PLXNA2: variants seen among roughly 807,000 people sequenced by gnomAD.
The protein encoded by PLXNA2 is plexin-A2.
In PLXNA2, 91 loss-of-function variants were observed where a neutral mutation model predicts 193.5. The ratio of observed to expected loss-of-function variants is 0.47; its 90% CI spans 0.40 to 0.56. PLXNA2 has a LOEUF of 0.56. Ranked by LOEUF, PLXNA2 falls within the 20% of genes least tolerant of loss-of-function variation. The pLI is 0.00. For synonymous variants in PLXNA2, 997 were observed against 1,027.3 expected (o/e 0.97, Z 0.56); for missense variants, 1,995 against 2,503.2 (o/e 0.80, Z 4.33).
At chr1:208,133,090 G>T (rs1375130943) in intron 4 of PLXNA2, among the ~76,000 whole-genome samples, 1 of 152,160 alleles carries the variant, frequency 6.6e-6, no homozygotes, top group East Asian at 1.9e-4. Flanking sequence ...GTAAAATAAA[G>T]GGCTGCTCTT....
At chr1:208,226,347 G>T (rs998818250) in intron 1 of PLXNA2, among the ~76,000 whole-genome samples, 13 of 149,086 alleles carry the variant, frequency 8.7e-5, no homozygotes, top group Non-Finnish European at 1.5e-5. Context: ...GATTTCTGTT[G>T]TTTTTTTTTT....
chr1:208,042,070 C>T, intron 22 of PLXNA2, 28 bp downstream of exon 22: 1 of 1,606,966 alleles, frequency 6.2e-7, no homozygotes, highest in Non-Finnish European at 8.5e-7. Context: ...CTCCTGCCAC[C>T]CTCTCCACCC....
chr1:208,154,294 G>A (rs940311419), intron 3 of PLXNA2, among the ~76,000 whole-genome samples: 2 of 152,230 alleles, frequency 1.3e-5, no homozygotes, highest in African/African-American at 4.8e-5. Context: ...GAGAAGCAGG[G>A]CTTGGCCCTG....
rs1665583404 is a variant in PLXNA2 at position 208,060,552 on chromosome 1, T to C, written c.2738+134A>G. 3 of 867,548 alleles carry C rather than the reference T, an allele frequency of 3.5e-6. No individual in the cohort carries two copies. In the East Asian group the frequency reaches 8.6e-5, roughly 25 times the overall value. 53.7% of individuals were successfully genotyped at this position (867,548 alleles called of 1,614,324 possible). A position where few individuals can be genotyped will look rare whatever the true frequency, so the allele number is the denominator to read the frequency against. On this transcript the variant is annotated intron_variant, in intron 13 of 31. Transcript: ENST00000367033. ...AGGGAGGAGGGGGCCCTGGGGAGGC[T>C]TCTGGGGCAGGTCCATGGGAGGAGA...
chr1:208,170,524 C>A (rs968984627), intron 3 of PLXNA2, among the ~76,000 whole-genome samples: 2 of 152,150 alleles, frequency 1.3e-5, no homozygotes, highest in Non-Finnish European at 2.9e-5. Context: ...CTGCCAGAGC[C>A]GGGGCATGAG....
chr1:208,126,485 T>C (rs1667979866), intron 4 of PLXNA2, among the ~76,000 whole-genome samples: 1 of 152,232 alleles, frequency 6.6e-6, no homozygotes, highest in African/African-American at 2.4e-5. Context: ...TTTAAAAAGA[T>C]GTTCAATTTG....
chr1:208,063,770 T>C (rs528800505), intron 12 of PLXNA2, among the ~76,000 whole-genome samples: 2 of 152,312 alleles, frequency 1.3e-5, no homozygotes, highest in East Asian at 3.9e-4. Context: ...AAAGCAAAAC[T>C]GACGTGTAAA....
chr1:208,216,591 G>T (rs1671136830), intron 2 of PLXNA2, 144 bp downstream of exon 2: 1 of 890,478 alleles, frequency 1.1e-6, no homozygotes, highest in Non-Finnish European at 1.7e-6. Context: ...TGCGTTATTG[G>T]TTACCACCTG....
intron 20 of PLXNA2, among the ~76,000 whole-genome samples, chr1:208,043,995 C>T (rs1001152316): frequency 7.9e-5 from 12 of 152,246 alleles, no homozygotes; most frequent in African/African-American, 2.4e-4. Flanking sequence ...CTCCCACACA[C>T]GTCCACAGCC....
intron 12 of PLXNA2, among the ~76,000 whole-genome samples, chr1:208,073,078 A>C (rs1424224678): frequency 6.6e-6 from 1 of 152,130 alleles, no homozygotes; most frequent in Non-Finnish European, 1.5e-5. Context: ...TGTTTCCCCA[A>C]CTCTTAAGTG....
At chr1:208,210,050 A>G in intron 3 of PLXNA2, 1 of 202,982 alleles carries the variant, frequency 4.9e-6, no homozygotes. Context: ...AAAGTTTGGG[A>G]AATATTGAAA....
At chr1:208,113,281 G>A (rs1667542902) in intron 4 of PLXNA2, among the ~76,000 whole-genome samples, 1 of 152,144 alleles carries the variant, frequency 6.6e-6, no homozygotes, top group African/African-American at 2.4e-5. Flanking sequence ...GATAAGGCAG[G>A]GATGCCCCCT....
At chr1:208,157,751 G>A (rs1668981819) in intron 3 of PLXNA2, among the ~76,000 whole-genome samples, 1 of 152,166 alleles carries the variant, frequency 6.6e-6, no homozygotes, top group Admixed American at 6.5e-5. Flanking sequence ...GAGCCACGGG[G>A]GTGGAGGAGA....
Position 208,064,313 on chromosome 1 carries a change from G to T in PLXNA2, c.2587-3476C>A, listed in dbSNP as rs558911907. Among the ~76,000 whole-genome samples the T allele has an allele frequency of 1.2e-4, 19 of 152,316 alleles. No homozygotes were observed. The South Asian group carries it at 3.3e-3, about 27-fold the overall frequency. The stretch of plus-strand genomic sequence containing the variant: ...CCTTCATGAACACATACTTGACCAG[G>T]TTACTAGTCACTTGCTCTAAAAACC... On this transcript the variant is annotated intron_variant, in intron 12 of 31. Transcript: ENST00000367033.
At chr1:208,181,356 C>T (rs1369518827) in intron 3 of PLXNA2, among the ~76,000 whole-genome samples, 1 of 152,138 alleles carries the variant, frequency 6.6e-6, no homozygotes, top group Non-Finnish European at 1.5e-5. Context: ...GGGGCCAGAC[C>T]CTGAGGGGTG....
Position 208,093,024 on chromosome 1 carries a change from G to T in PLXNA2, c.1983-124C>A, listed in dbSNP as rs111977637. 714 of 620,894 alleles carry T rather than the reference G, an allele frequency of 1.1e-3. 3 individuals carry two copies. The highest frequency in any genetic ancestry group is 1.7e-3 in the Non-Finnish European group (584 of 346,692). 38.5% of individuals were successfully genotyped at this position (620,894 alleles called of 1,614,324 possible). On this transcript the variant is annotated intron_variant, in intron 8 of 31. Transcript: ENST00000367033. ...GTCTCATTCTCAGGAGGGAAGACTG[G>T]TGGGCCATCCTCTAGCACCAAGAAT... is the stretch of plus-strand genomic sequence containing the variant.
At chr1:208,117,848 GA>G (rs1667686253) in intron 4 of PLXNA2, among the ~76,000 whole-genome samples, 2 of 152,218 alleles carry the variant, frequency 1.3e-5, no homozygotes, top group African/African-American at 2.4e-5. Context: ...GCAAGGGGAG[GA>G]AAAAAATCTG....
intron 9 of PLXNA2, among the ~76,000 whole-genome samples, chr1:208,087,993 C>G (rs956239460): frequency 6.6e-6 from 1 of 152,176 alleles, no homozygotes; most frequent in Non-Finnish European, 1.5e-5. Context: ...TCCTAAGATG[C>G]TTTTCCTGCA....
At chr1:208,234,955 G>A (rs1373632394) in intron 1 of PLXNA2, among the ~76,000 whole-genome samples, 1 of 152,192 alleles carries the variant, frequency 6.6e-6, no homozygotes, top group East Asian at 1.9e-4. Flanking sequence ...CTGGGTAAAA[G>A]CTACTCTGTG....
Sources: allele counts gnomAD v4.1 joint callset (sites outside exome capture counted in the v4.1 genomes callset), GRCh38; gene constraint gnomAD v4.1.1; transcripts MANE v1.5; gene names NCBI Gene and HGNC (gene_info 2026-07-23, HGNC 2026-07-21).